EML5: variants seen among roughly 807,000 people sequenced by gnomAD.
EML5 encodes the protein echinoderm microtubule-associated protein-like 5.
Under a neutral mutation model 250.0 loss-of-function variants are expected in EML5, and 120 were observed. The observed-to-expected ratio is 0.48, with a 90% CI of 0.41 to 0.56. The LOEUF is 0.56. EML5 is among the 20% of genes least tolerant of loss of function. The probability of loss-of-function intolerance (pLI) is 0.00; values close to 1 mark genes in which losing one functional copy is unlikely to be tolerated. For synonymous variants in EML5, 771 were observed against 806.5 expected, an observed-to-expected ratio of 0.96 and a Z score of 0.75; for missense variants, 2,006 against 2,437.6, an observed-to-expected ratio of 0.82 and a Z score of 3.73.
At chr14:88,642,009 T>C (rs2091092013) in intron 31 of EML5, among the ~76,000 whole-genome samples, 1 of 152,104 alleles carries the variant, frequency 6.6e-6, no homozygotes, top group African/African-American at 2.4e-5. Flanking sequence ...AAATAGAAAA[T>C]TGCCACTGAT....
intron 33 of EML5, among the ~76,000 whole-genome samples, chr14:88,633,929 T>TAC (rs1262876034): frequency 6.6e-6 from 1 of 152,124 alleles, no homozygotes; most frequent in African/African-American, 2.4e-5. Flanking sequence ...CCATTACTAT[T>TAC]ACCACAGATT....
chr14:88,759,698 A>AAAACAAAAAAAAC lies in EML5; in HGVS notation c.198-5028_198-5027insGTTTTTTTTGTTT, dbSNP rs1555374466. The stretch of plus-strand genomic sequence containing the variant: ...GTCACCATCTCTTAAAAAAAAAAAA[A>AAAACAAAAAAAAC]AAAAAACTGGGGAGAAAAACTATGC... On this transcript the variant is annotated intron_variant, in intron 1 of 43. Coordinates refer to ENST00000554922, the MANE Select transcript of EML5 (RefSeq NM_183387.3). 5.8e-3 allele frequency among the ~76,000 whole-genome samples: 821 copies of AAAACAAAAAAAAC among 142,208 alleles called. 30 individuals carry two copies. The highest frequency in any genetic ancestry group is 0.02 in the African/African-American group (737 of 37,094). The allele number at this position is 142,208 out of a possible 152,430, so 93.3% of individuals were successfully genotyped here.
chr14:88,638,442 T>G (rs944922165), intron 32 of EML5, among the ~76,000 whole-genome samples: 2 of 152,230 alleles, frequency 1.3e-5, no homozygotes, highest in African/African-American at 4.8e-5. Flanking sequence ...CCCAGTCTAG[T>G]TATTTCTTAG....
At chr14:88,697,151 G>A (rs2093098131) in intron 14 of EML5, among the ~76,000 whole-genome samples, 199 bp from the exon 15 acceptor site, 1 of 152,090 alleles carries the variant, frequency 6.6e-6, no homozygotes, top group Non-Finnish European at 1.5e-5. Flanking sequence ...GCTAGGCTCA[G>A]TGTTTCCAGG....
chr14:88,620,991 A>C lies in EML5; in HGVS notation c.5203-65T>G. 1 of 1,471,394 alleles carries C rather than the reference A, an allele frequency of 6.8e-7. No homozygotes were observed. The highest frequency in any genetic ancestry group is 1.4e-5 in the South Asian group (1 of 69,724). 91.1% of individuals were successfully genotyped at this position (1,471,394 alleles called of 1,614,324 possible). On this transcript the variant is annotated intron_variant, in intron 38 of 43. Coordinates refer to ENST00000554922, the MANE Select transcript of EML5 (RefSeq NM_183387.3). The surrounding 1 kb of genome is among the most constrained non-coding windows in gnomAD (Gnocchi z 4.3). ...ATTAAGTGAAGTACTTCTAAATTATACCAGTTTCCCCTCAAAATGCTCAAC... is the reference window on the plus strand; with the variant it reads ...ATTAAGTGAAGTACTTCTAAATTATCCCAGTTTCCCCTCAAAATGCTCAAC...
Position 88,665,544 on chromosome 14 carries a change from G to A in EML5, c.3125-55C>T. The A allele has an allele frequency of 2.5e-6, 4 of 1,606,722 alleles. No individual in the cohort carries two copies. In the South Asian group the frequency reaches 3.3e-5, roughly 13 times the overall value. The stretch of plus-strand genomic sequence containing the variant: ...TTCCCTTTTTTCTAATTTAAAGTAT[G>A]GGCCAGGTGTGGTGGCTCATGCCTA... On this transcript the variant is annotated intron_variant, in intron 21 of 43. Coordinates refer to ENST00000554922, the MANE Select transcript of EML5 (RefSeq NM_183387.3).
chr14:88,618,106 G>A, intron 41 of EML5, 122 bp downstream of exon 41: 1 of 663,046 alleles, frequency 1.5e-6, no homozygotes, highest in East Asian at 2.8e-5. Flanking sequence ...TTCAAAATAT[G>A]GTAACAAAAA....
chr14:88,674,492 G>A (rs1017866176), intron 21 of EML5, among the ~76,000 whole-genome samples: 1 of 152,076 alleles, frequency 6.6e-6, no homozygotes, highest in African/African-American at 2.4e-5. Flanking sequence ...GATGTCGTGA[G>A]ACTCACTATC....
chr14:88,747,961 G>A (rs1163615792), intron 2 of EML5, among the ~76,000 whole-genome samples: 1 of 152,118 alleles, frequency 6.6e-6, no homozygotes, highest in African/African-American at 2.4e-5. Flanking sequence ...TTTGCAACTG[G>A]AAGTAAAGCA....
chr14:88,681,896 TCAGC>T lies in EML5; in HGVS notation c.3114_3117del (p.Leu1039LysfsTer16). 1 of 1,606,496 alleles carries T rather than the reference TCAGC, an allele frequency of 6.2e-7. No individual in the cohort carries two copies. Among genetic ancestry groups the T allele is most frequent in the African/African-American group, 1.3e-5 (1 of 74,616 alleles). ...AAGTGTGAGAGCCTCTTACCCTTTTTCAGCTTCCGGACAGCCAACATACAATGAC... is the reference window on the plus strand; with the variant it reads ...AAGTGTGAGAGCCTCTTACCCTTTTTTTCCGGACAGCCAACATACAATGAC... On this transcript the variant is annotated frameshift_variant, in exon 21 of 44. Coordinates refer to ENST00000554922, the MANE Select transcript of EML5 (RefSeq NM_183387.3). LOFTEE classifies it high-confidence loss of function.
chr14:88,784,239 A>C (rs945423145), intron 1 of EML5, among the ~76,000 whole-genome samples: 1 of 152,202 alleles, frequency 6.6e-6, no homozygotes, highest in African/African-American at 2.4e-5. Context: ...ATCTTAAAGA[A>C]CTAGAAAAGC....
At chr14:88,647,050 A>G in intron 28 of EML5, 95 bp from the exon 29 acceptor site, 1 of 1,183,416 alleles carries the variant, frequency 8.5e-7, no homozygotes, top group Non-Finnish European at 1.2e-6. Flanking sequence ...TATTTTAACA[A>G]GTTTAATGCA....
At chr14:88,658,986 A>G (rs532529310) in intron 25 of EML5, among the ~76,000 whole-genome samples, 72 of 152,308 alleles carry the variant, frequency 4.7e-4, no homozygotes, top group African/African-American at 1.7e-3. Flanking sequence ...ACCCATGTAA[A>G]TATCTTTCAT....
chr14:88,704,624 A>G (rs2093281099), intron 13 of EML5, among the ~76,000 whole-genome samples: 1 of 152,232 alleles, frequency 6.6e-6, no homozygotes, highest in Non-Finnish European at 1.5e-5. Flanking sequence ...TTGTCCCAAC[A>G]ATGTCCTTTA....
At chr14:88,752,437 C>T (rs996143796) in intron 2 of EML5, among the ~76,000 whole-genome samples, 4 of 152,200 alleles carry the variant, frequency 2.6e-5, no homozygotes, top group African/African-American at 9.6e-5. Context: ...TCTGACAGAA[C>T]ATTAAGACTT....
Position 88,668,664 on chromosome 14 carries a change from G to A in EML5, c.3125-3175C>T, listed in dbSNP as rs966939160. Among the ~76,000 whole-genome samples, 8 of 152,106 alleles carry A rather than the reference G, an allele frequency of 5.3e-5. No individual in the cohort carries two copies. The East Asian group carries it at 1.2e-3, about 22-fold the overall frequency. On this transcript the variant is annotated intron_variant, in intron 21 of 43. Transcript: ENST00000554922. Reference sequence around the variant, plus strand: ...GGAAGAGAAACAGAATAGTAGTGAGGTCAATTATCACAGTTCCCTGTTTTA... The same window carrying A: ...GGAAGAGAAACAGAATAGTAGTGAGATCAATTATCACAGTTCCCTGTTTTA...
At chr14:88,668,401 C>T (rs553035007) in intron 21 of EML5, among the ~76,000 whole-genome samples, 6 of 151,336 alleles carry the variant, frequency 4.0e-5, no homozygotes, top group African/African-American at 7.3e-5. Flanking sequence ...CAGACACGCA[C>T]GGGTTCCAGA....
In EML5 at chr14:88,667,012, C is replaced by T. The variant is rs533242984; in HGVS notation, c.3125-1523G>A. 7.9e-5 allele frequency among the ~76,000 whole-genome samples: 12 copies of T among 152,196 alleles called. No homozygotes were observed. The South Asian group carries it at 2.5e-3, about 32-fold the overall frequency. ...ATTTGGATATATTTCAAAGATAGAGCTGGCAGAACTTTGACCAACTGGATG... is the reference window on the plus strand; with the variant it reads ...ATTTGGATATATTTCAAAGATAGAGTTGGCAGAACTTTGACCAACTGGATG... On this transcript the variant is annotated intron_variant, in intron 21 of 43. Coordinates refer to ENST00000554922, the MANE Select transcript of EML5 (RefSeq NM_183387.3).
chr14:88,726,170 C>A (rs2093663779), intron 8 of EML5, among the ~76,000 whole-genome samples: 1 of 152,102 alleles, frequency 6.6e-6, no homozygotes, highest in Admixed American at 6.5e-5. Context: ...ACAACAACAA[C>A]AACAACCCCA....
Sources: gnomAD v4.1 joint callset for allele counts (sites outside exome capture counted in the v4.1 genomes callset) on GRCh38, gnomAD v4.1.1 for gene constraint, Gnocchi (gnomAD v3.1) non-coding constraint, MANE v1.5 for transcripts, NCBI Gene and HGNC (gene_info 2026-07-23, HGNC 2026-07-21) for gene names.